Variants in SLC13A4 observed in about 807,000 individuals in gnomAD.
SLC13A4 encodes solute carrier family 13 member 4.
A neutral mutation model predicts 72.7 loss-of-function variants in SLC13A4; 28 were observed. That is an observed-to-expected ratio of 0.39 (90% CI 0.29 to 0.53). SLC13A4 has a LOEUF of 0.53. SLC13A4 is among the 20% of genes least tolerant of loss of function. The probability of loss-of-function intolerance (pLI) is 0.78; values close to 1 mark genes in which losing one functional copy is unlikely to be tolerated. For synonymous variants in SLC13A4, 312 were observed against 325.5 expected, an observed-to-expected ratio of 0.96 and a Z score of 0.45; for missense variants, 653 against 788.0, an observed-to-expected ratio of 0.83 and a Z score of 2.05.
At chr7:135,719,127 A>G (rs1472828834) in intron 2 of SLC13A4, among the ~76,000 whole-genome samples, 2 of 152,208 alleles carry the variant, frequency 1.3e-5, no homozygotes, top group Non-Finnish European at 2.9e-5. Flanking sequence ...AGTGACACAC[A>G]GTCCCTCCCT....
At chr7:135,683,088 C>T (rs1261967890) in intron 15 of SLC13A4, among the ~76,000 whole-genome samples, 1 of 151,900 alleles carries the variant, frequency 6.6e-6, no homozygotes, top group Non-Finnish European at 1.5e-5. Context: ...CATCTGAAGC[C>T]AGTAGTTCAA....
At chr7:135,704,378 T>C (rs1205334179) in intron 5 of SLC13A4, 3 of 152,662 alleles carry the variant, frequency 2.0e-5, no homozygotes, top group Non-Finnish European at 4.4e-5. Context: ...GACTGAAATC[T>C]CAGAGAGGGC....
At chr7:135,692,240 A>T in intron 11 of SLC13A4, 83 bp downstream of exon 11, 2 of 951,918 alleles carry the variant, frequency 2.1e-6, no homozygotes, top group Admixed American at 3.9e-5. Flanking sequence ...CTGGCTTCAT[A>T]TCTGCCCCTG....
intron 2 of SLC13A4, among the ~76,000 whole-genome samples, chr7:135,708,462 C>A (rs1796220850): frequency 6.6e-6 from 1 of 152,176 alleles, no homozygotes; most frequent in South Asian, 2.1e-4. Flanking sequence ...GTGCTAAGTA[C>A]TTGACAGATT....
In SLC13A4 at chr7:135,692,309, A is replaced by G. The variant is rs1361872515; in HGVS notation, c.1223+14T>C. 2.2e-5 allele frequency: 35 copies of G among 1,581,810 alleles called. No individual in the cohort carries two copies. In the East Asian group the frequency reaches 6.5e-4, roughly 29 times the overall value. ...TGAGGGGGTTGTTCTTAAGGAGGAA[A>G]TGATATCACTTACTTTTCAAAGAAA... On this transcript the variant is annotated intron_variant, in intron 11 of 15. Transcript: ENST00000682651.
chr7:135,688,576 A>G lies in SLC13A4; in HGVS notation c.1446+2625T>C, dbSNP rs183411008. 1.4e-4 allele frequency among the ~76,000 whole-genome samples: 21 copies of G among 152,232 alleles called. No homozygotes were observed. In the East Asian group the frequency reaches 3.9e-3, roughly 28 times the overall value. Reference sequence around the variant, plus strand: ...CCGGCCTAGTAAAGTGAAATAATTTATTGGCAATTATTTTTCCAGCAGAAC... The same window carrying G: ...CCGGCCTAGTAAAGTGAAATAATTTGTTGGCAATTATTTTTCCAGCAGAAC... On this transcript the variant is annotated intron_variant, in intron 13 of 15. Coordinates refer to ENST00000682651, the MANE Select transcript of SLC13A4 (RefSeq NM_001318192.2).
At position 135,715,077 on chromosome 7, in the gene SLC13A4, A is replaced by G. The variant is rs572253547; in HGVS notation, c.228+6318T>C. On this transcript the variant is annotated intron_variant, in intron 2 of 15. Transcript: ENST00000682651. ...GTGTATGTGAATGTGTGTGTGTATG[A>G]TGTGTGTGTATAAGTGTATGTGTGT... 5.5e-3 allele frequency among the ~76,000 whole-genome samples: 410 copies of G among 74,624 alleles called. 1 individual carries two copies. Among genetic ancestry groups the G allele is most frequent in the Admixed American group, 9.0e-3 (55 of 6,096 alleles). 49.0% of individuals were successfully genotyped at this position (74,624 alleles called of 152,430 possible). A position where few individuals can be genotyped will look rare whatever the true frequency, so the allele number is the denominator to read the frequency against.
At chr7:135,705,908 G>T in intron 4 of SLC13A4, 1 of 564,008 alleles carries the variant, frequency 1.8e-6, no homozygotes, top group Admixed American at 3.0e-5. Context: ...CAGAAGTGAA[G>T]GAGGAAGGAA....
intron 2 of SLC13A4, among the ~76,000 whole-genome samples, chr7:135,719,447 C>T (rs1796496089): frequency 6.6e-6 from 1 of 152,004 alleles, no homozygotes; most frequent in Admixed American, 6.6e-5. Flanking sequence ...TTTTCCTCTA[C>T]CCTCCACTTT....
chr7:135,692,618 C>A, intron 10 of SLC13A4, 194 bp from the exon 11 acceptor site: 1 of 563,816 alleles, frequency 1.8e-6, no homozygotes, highest in Non-Finnish European at 3.1e-6. Flanking sequence ...TGACATTAAC[C>A]ATGTTCCTGG....
intron 2 of SLC13A4, among the ~76,000 whole-genome samples, chr7:135,716,198 C>T (rs910764849): frequency 6.6e-6 from 1 of 151,228 alleles, no homozygotes; most frequent in African/African-American, 2.4e-5. Context: ...TCTCTTCATT[C>T]CTCATGTGAC....
chr7:135,705,540 T>C (rs1584730395), intron 5 of SLC13A4, 56 bp downstream of exon 5: 2 of 1,548,076 alleles, frequency 1.3e-6, no homozygotes, highest in East Asian at 4.5e-5. Context: ...CCCTCTTTTC[T>C]GACCTCCCCT....
chr7:135,705,455 CG>C, intron 5 of SLC13A4, 140 bp downstream of exon 5: 2 of 517,928 alleles, frequency 3.9e-6, no homozygotes, highest in East Asian at 3.1e-5. Context: ...GGAGGTTGGG[CG>C]GGGTGGGGGG....
intron 3 of SLC13A4, 87 bp from the exon 4 acceptor site, chr7:135,706,387 G>T: frequency 7.1e-7 from 1 of 1,413,980 alleles, no homozygotes; most frequent in South Asian, 1.4e-5. Flanking sequence ...ACCTGCTGGG[G>T]CTGGTCTAGA....
intron 13 of SLC13A4, among the ~76,000 whole-genome samples, chr7:135,690,083 A>C (rs912017636): frequency 6.9e-6 from 1 of 145,126 alleles, no homozygotes; most frequent in Non-Finnish European, 1.5e-5. Context: ...TGGGAGGCTG[A>C]GGCATGAGAA....
intron 3 of SLC13A4, among the ~76,000 whole-genome samples, chr7:135,707,132 C>T (rs534749668): frequency 3.3e-5 from 5 of 152,244 alleles, no homozygotes; most frequent in East Asian, 1.9e-4. Flanking sequence ...TGTACCTACA[C>T]GGGTAACTGC....
intron 5 of SLC13A4, 34 bp from the exon 6 acceptor site, chr7:135,702,918 A>G (rs763968168): frequency 6.4e-7 from 1 of 1,562,054 alleles, no homozygotes; most frequent in Non-Finnish European, 8.8e-7. Flanking sequence ...GAGCCACGTC[A>G]GTGAGGCCGA....
Position 135,719,930 on chromosome 7 carries a change from G to A in SLC13A4, c.228+1465C>T, listed in dbSNP as rs1444534959. Among the ~76,000 whole-genome samples, 6 of 146,126 alleles carry A rather than the reference G, an allele frequency of 4.1e-5. No individual in the cohort carries two copies. The Admixed American group carries it at 4.1e-4, about 10-fold the overall frequency. On this transcript the variant is annotated intron_variant, in intron 2 of 15. Coordinates refer to ENST00000682651, the MANE Select transcript of SLC13A4 (RefSeq NM_001318192.2). ...AGAGAGAGAGAGACGGGCCCAGGGG[G>A]AGAGAGACAGGGGAGGGAGTTGGGG...
Position 135,691,656 on chromosome 7 carries a change from G to C in SLC13A4, c.1224-11C>G. On this transcript the variant is annotated splice_polypyrimidine_tract_variant and intron_variant, in intron 11 of 15. Transcript: ENST00000682651. ...GTACGGTAGCCTTTCCTAGTAAAGA[G>C]ACAAGCATAGCTGAGGAGAAGGGTC... is the stretch of plus-strand genomic sequence containing the variant. The C allele has an allele frequency of 6.3e-7, 1 of 1,589,110 alleles. No individual in the cohort carries two copies. The highest frequency in any genetic ancestry group is 8.6e-7 in the Non-Finnish European group (1 of 1,157,510).
Sources: allele counts gnomAD v4.1 joint callset (sites outside exome capture counted in the v4.1 genomes callset), GRCh38; gene constraint gnomAD v4.1.1; transcripts MANE v1.5; gene names NCBI Gene and HGNC (gene_info 2026-07-23, HGNC 2026-07-21).